IFRD1: variants seen among roughly 807,000 people sequenced by gnomAD.
IFRD1 encodes interferon-related developmental regulator 1.
A neutral mutation model predicts 52.9 loss-of-function variants in IFRD1; 35 were observed. The observed-to-expected ratio is 0.66, with a 90% CI of 0.51 to 0.88. The LOEUF is 0.88. Among genes scored for constraint, IFRD1 ranks in the 40% least tolerant of loss-of-function variants. IFRD1 has a pLI of 0.00. For missense variants in IFRD1, 517 were observed against 550.8 expected (o/e 0.94, Z 0.61); for synonymous variants, 184 against 188.4 (o/e 0.98, Z 0.19).
rs1333037418 is a variant in IFRD1, at chr7:112,458,896, G to C, written c.445G>C (p.Ala149Pro). The C allele has an allele frequency of 6.2e-7, 1 of 1,614,050 alleles. No homozygotes were observed. The highest frequency in any genetic ancestry group is 8.5e-7 in the Non-Finnish European group (1 of 1,179,954). The change falls in exon 5 of 12, where the codon GCA becomes CCA. Residue 149 changes from alanine (A) to proline (P), a missense_variant. Transcript: ENST00000403825. ...SDEQRAAAAL[A>P]SVLCIQLGPG... The stretch of plus-strand genomic sequence containing the variant: ...TGAGCAACGTGCAGCTGCAGCGTTA[G>C]CATCTGTTCTTTGTATTCAGCTGGG...
intron 1 of IFRD1, among the ~76,000 whole-genome samples, chr7:112,427,046 T>C (rs946729969): frequency 2.0e-5 from 3 of 152,220 alleles, no homozygotes; most frequent in African/African-American, 7.2e-5. Flanking sequence ...CAGAACCTCC[T>C]GAGGCTGTGA....
intron 1 of IFRD1, chr7:112,423,545 C>A (rs1360439924): frequency 6.6e-6 from 1 of 152,024 alleles, no homozygotes; most frequent in Non-Finnish European, 1.5e-5. Context: ...GCTCTTAACC[C>A]GGTAAGTGGT....
chr7:112,461,594 T>A (rs1484474196), intron 5 of IFRD1: 10 of 229,932 alleles, frequency 4.3e-5, no homozygotes, highest in Non-Finnish European at 1.7e-5. Context: ...ATGCTTTTGA[T>A]TTTATGGATC....
At chr7:112,462,442 T>G (rs1795465443) in intron 8 of IFRD1, 64 bp downstream of exon 8, 20 of 1,108,058 alleles carry the variant, frequency 1.8e-5, no homozygotes, top group Non-Finnish European at 1.9e-5. Context: ...ATCATTACCT[T>G]GCAATTGAGA....
chr7:112,450,981 C>G (rs975850392), intron 1 of IFRD1, 199 bp downstream of exon 1: 1 of 611,034 alleles, frequency 1.6e-6, no homozygotes, highest in Non-Finnish European at 2.9e-6. Flanking sequence ...GGCGTGCGAA[C>G]CGGACTCTTG....
chr7:112,424,418 C>CT (rs150700456), intron 1 of IFRD1, among the ~76,000 whole-genome samples: 167 of 145,230 alleles, frequency 1.1e-3, no homozygotes, highest in East Asian at 7.4e-3. Flanking sequence ...TTCTTTCTTT[C>CT]TTTTTTTTTT....
At chr7:112,439,697 G>A (rs1475089727) in intron 1 of IFRD1, among the ~76,000 whole-genome samples, 1 of 152,110 alleles carries the variant, frequency 6.6e-6, no homozygotes, top group African/African-American at 2.4e-5. Context: ...TCTTGGGAAG[G>A]AGAAATCTTT....
chr7:112,436,803 C>A lies in IFRD1; in HGVS notation c.-182+13371C>A, dbSNP rs3128394. Among the ~76,000 whole-genome samples the A allele has an allele frequency of 6.7e-3, 1,023 of 152,000 alleles. 9 individuals are homozygous for A. Among genetic ancestry groups the A allele is most frequent in the African/African-American group, 0.024 (978 of 41,434 alleles). ...ACTTGCTGGCCACCTATAAAAGGGT[C>A]AGGAAAGATTTTAAAGGAAAAGATA... On this transcript the variant is annotated intron_variant, in intron 1 of 12. Coordinates refer to the IFRD1 transcript ENST00000005558.
At chr7:112,435,621 G>GGTGTGTGTGTGTGGGTGTGTGT (rs1794659085) in intron 1 of IFRD1, 1 of 108,838 alleles carries the variant, frequency 9.2e-6, no homozygotes, top group Non-Finnish European at 1.9e-5. Flanking sequence ...ATCTGCTACA[G>GGTGTGTGTGTGTGGGTGTGTGT]GTGTGTGTGT....
chr7:112,455,581 A>G (rs1389521853), intron 1 of IFRD1, among the ~76,000 whole-genome samples, 182 bp from the exon 2 acceptor site: 1 of 152,194 alleles, frequency 6.6e-6, no homozygotes, highest in African/African-American at 2.4e-5. Flanking sequence ...TGAAATACGT[A>G]ATTAGGTGAA....
chr7:112,472,621 T>C (rs1002169750), intron 10 of IFRD1, 145 bp from the exon 11 acceptor site: 32 of 730,768 alleles, frequency 4.4e-5, no homozygotes, highest in African/African-American at 7.0e-5. Context: ...GAAAACAATT[T>C]GCTTTCTATT....
intron 5 of IFRD1, chr7:112,461,607 TA>T (rs1795434508): frequency 4.0e-6 from 1 of 249,410 alleles, no homozygotes; most frequent in African/African-American, 2.2e-5. Context: ...TATGGATCAA[TA>T]AAAGAAGACT....
chr7:112,458,889 A>G lies in IFRD1; in HGVS notation c.438A>G (p.Ala146=), dbSNP rs770144547. 4 of 1,613,976 alleles carry G rather than the reference A, an allele frequency of 2.5e-6. No homozygotes were observed. The highest frequency in any genetic ancestry group is 3.4e-6 in the Non-Finnish European group (4 of 1,179,976). ...KGKSDEQRAA[A]ALASVLCIQL... Reference sequence around the variant, plus strand: ...AGAGTGATGAGCAACGTGCAGCTGCAGCGTTAGCATCTGTTCTTTGTATTC... The same window carrying G: ...AGAGTGATGAGCAACGTGCAGCTGCGGCGTTAGCATCTGTTCTTTGTATTC... The change falls in exon 5 of 12, where the codon GCA becomes GCG. Residue 146 remains alanine, a synonymous_variant. Transcript: ENST00000403825.
chr7:112,475,702 CTG>C lies in IFRD1; in HGVS notation c.*185_*186del. 1.8e-6 allele frequency: 1 copy of C among 557,304 alleles called. No individual in the cohort carries two copies. The highest frequency in any genetic ancestry group is 3.1e-6 in the Non-Finnish European group (1 of 318,060). 34.5% of individuals were successfully genotyped at this position (557,304 alleles called of 1,614,324 possible). On this transcript the variant is annotated 3_prime_UTR_variant, in exon 12 of 12. Transcript: ENST00000403825. ...GTGAGTTCTGATTATTAAATATTCT[CTG>C]TAAATCAGTAAACATGTATAAAGTA...
chr7:112,447,443 T>G (rs1276533404), upstream of IFRD1, among the ~76,000 whole-genome samples: 1 of 152,234 alleles, frequency 6.6e-6, no homozygotes, highest in Non-Finnish European at 1.5e-5. Context: ...TATCCATGGT[T>G]TCCCCTTCAT....
intron 1 of IFRD1, among the ~76,000 whole-genome samples, chr7:112,424,661 C>A (rs7790141): frequency 6.6e-6 from 1 of 151,894 alleles, no homozygotes; most frequent in African/African-American, 2.4e-5. Flanking sequence ...GTGATCCACC[C>A]GCCTCAGCCT....
At chr7:112,468,495 G>A (rs929286164) in intron 9 of IFRD1, among the ~76,000 whole-genome samples, 4 of 151,980 alleles carry the variant, frequency 2.6e-5, no homozygotes, top group African/African-American at 9.7e-5. Context: ...AACCCAGCTT[G>A]ATTGTCATTT....
At chr7:112,463,853 TAC>T (rs72284919) in intron 8 of IFRD1, among the ~76,000 whole-genome samples, 14,502 of 43,008 alleles carry the variant, frequency 0.34, 1,213 homozygotes, top group East Asian at 0.49. Context: ...CACATTTATA[TAC>T]ACACACACAC....
At chr7:112,424,161 A>G (rs1388464157) in intron 1 of IFRD1, among the ~76,000 whole-genome samples, 2 of 152,068 alleles carry the variant, frequency 1.3e-5, no homozygotes, top group African/African-American at 4.8e-5. Flanking sequence ...TACTTGACTC[A>G]CTTATGGTGT....
Sources: gnomAD v4.1 joint callset for allele counts (sites outside exome capture counted in the v4.1 genomes callset) on GRCh38, gnomAD v4.1.1 for gene constraint, MANE v1.5 for transcripts, NCBI Gene and HGNC (gene_info 2026-07-23, HGNC 2026-07-21) for gene names.